Variants in AKT1 observed in about 807,000 individuals in gnomAD.
The protein encoded by AKT1 is RAC-alpha serine/threonine-protein kinase.
In AKT1, 21 loss-of-function variants were observed where a neutral mutation model predicts 63.1. The ratio of observed to expected loss-of-function variants is 0.33; its 90% CI spans 0.24 to 0.48. The LOEUF is 0.48. Ranked by LOEUF, AKT1 falls within the 20% of genes least tolerant of loss-of-function variation. AKT1 has a pLI of 0.99. For synonymous variants in AKT1, 257 were observed against 253.1 expected (o/e 1.02, Z -0.15); for missense variants, 382 against 666.0 (o/e 0.57, Z 4.69).
At chr14:104,776,945 A>G in intron 4 of AKT1, 175 bp from the exon 5 acceptor site, 1 of 580,662 alleles carries the variant, frequency 1.7e-6, no homozygotes, top group Non-Finnish European at 3.0e-6. Flanking sequence ...TGGGGCTAGG[A>G]CCCCTGTTCC....
At chr14:104,773,706 G>A (rs1049068367) in intron 9 of AKT1, 126 bp from the exon 10 acceptor site, 122 of 1,406,600 alleles carry the variant, frequency 8.7e-5, no homozygotes, top group African/African-American at 1.6e-4. Flanking sequence ...CAGAGGGCAC[G>A]GGGGCCTGGA....
intron 3 of AKT1, among the ~76,000 whole-genome samples, chr14:104,780,585 C>A (rs1892974658): frequency 6.6e-6 from 1 of 152,222 alleles, no homozygotes; most frequent in Non-Finnish European, 1.5e-5. Context: ...CCAGCAGGCA[C>A]CAGCAGCAGC....
chr14:104,785,222 C>A (rs931717659), intron 3 of AKT1, among the ~76,000 whole-genome samples: 1 of 152,210 alleles, frequency 6.6e-6, no homozygotes, highest in African/African-American at 2.4e-5. Context: ...CCCCGCCTGC[C>A]AGGAGACCGC....
intron 3 of AKT1, among the ~76,000 whole-genome samples, chr14:104,788,374 CAG>C (rs1893441265): frequency 6.6e-6 from 1 of 152,170 alleles, no homozygotes; most frequent in Non-Finnish European, 1.5e-5. Flanking sequence ...GGGTAATGAG[CAG>C]CCTCCATCTG....
At position 104,780,862 on chromosome 14, in the gene AKT1, C is replaced by T. The variant is rs577157656; in HGVS notation, c.47-646G>A. ...CTCCCTGTCTAGGGGCCTGGAGCAC[C>T]GTCTTGGGGACTGCCGATGAAGCCA... is the stretch of plus-strand genomic sequence containing the variant. On this transcript the variant is annotated intron_variant, in intron 3 of 14. Transcript: ENST00000649815. Among the ~76,000 whole-genome samples the T allele has an allele frequency of 1.8e-4, 28 of 152,372 alleles. 1 individual carries two copies. In the South Asian group the frequency reaches 3.9e-3, roughly 21 times the overall value.
rs2140917154 is a variant in AKT1, at chr14:104,775,130, G to A, written c.513C>T (p.Ala171=). 6.2e-7 allele frequency: 1 copy of A among 1,614,096 alleles called. No homozygotes were observed. The highest frequency in any genetic ancestry group is 8.5e-7 in the Non-Finnish European group (1 of 1,180,038). Residue 171 remains alanine (A), a synonymous_variant, in exon 7 of 15, where the codon GCC becomes GCT. Coordinates refer to ENST00000649815, the MANE Select transcript of AKT1 (RefSeq NM_001382430.1). The part of the protein sequence containing the change: ...FGKVILVKEK[A]TGRYYAMKIL... ...TCTTCATGGCGTAGTAGCGGCCTGT[G>A]GCCTTCTCCTTCACCAGGATCACCT...
Position 104,770,312 on chromosome 14 carries a change from G to T in AKT1, c.*29C>A. The T allele has an allele frequency of 6.3e-7, 1 of 1,595,930 alleles. No homozygotes were observed. Among genetic ancestry groups the T allele is most frequent in the African/African-American group, 1.3e-5 (1 of 74,930 alleles). ...CGAGGCCGCCTCTCCATCCCTCCAA[G>T]CTATCGTCCAGCGCAGTCCACCGCC... On this transcript the variant is annotated 3_prime_UTR_variant, in exon 15 of 15. Transcript: ENST00000649815.
chr14:104,770,721 C>G (rs774295573), intron 14 of AKT1, 24 bp downstream of exon 14: 1 of 1,594,652 alleles, frequency 6.3e-7, no homozygotes, highest in Middle Eastern at 1.7e-4. Context: ...AGGGAGTGGG[C>G]GGGGGCAGGC....
In AKT1 at chr14:104,795,234, C is replaced by G. The variant is rs1400968726; in HGVS notation, c.-258+250G>C. Among the ~76,000 whole-genome samples the G allele has an allele frequency of 1.3e-5, 2 of 151,692 alleles. No homozygotes were observed. The highest frequency in any genetic ancestry group is 4.8e-5 in the African/African-American group (2 of 41,396). ...CGGCCTCGCCCGGCGGAGCGGCCTC[C>G]CCAAGGTCATGAGGGAGGCTGGGGC... On this transcript the variant is annotated intron_variant, in intron 1 of 14. Transcript: ENST00000649815. This position sits in a 1 kb window ranked among gnomAD's most constrained non-coding sequence, Gnocchi z 5.1.
intron 4 of AKT1, chr14:104,777,491 G>A: frequency 1.0e-6 from 1 of 965,174 alleles, no homozygotes; most frequent in Non-Finnish European, 1.2e-6. Context: ...CACATCTGGG[G>A]CACACGAACA....
intron 3 of AKT1, among the ~76,000 whole-genome samples, chr14:104,783,481 C>G (rs955059135): frequency 1.6e-4 from 24 of 151,936 alleles, no homozygotes; most frequent in Admixed American, 1.5e-3. Flanking sequence ...CCACCATCAG[C>G]CAGCTGGCAT....
rs1893835003 is a variant in AKT1, at chr14:104,795,298, C to G, written c.-258+186G>C. On this transcript the variant is annotated intron_variant, in intron 1 of 14. Coordinates refer to ENST00000649815, the MANE Select transcript of AKT1 (RefSeq NM_001382430.1). The surrounding 1 kb of genome is among the most constrained non-coding windows in gnomAD (Gnocchi z 5.1). The stretch of plus-strand genomic sequence containing the variant: ...CCCCGGCGCCCGGCGTGGGGCCGCC[C>G]TCCCTTGGCCGGGCCCGCGCGCCCC... 6.6e-6 allele frequency among the ~76,000 whole-genome samples: 1 copy of G among 150,540 alleles called. No homozygotes were observed. Among genetic ancestry groups the G allele is most frequent in the South Asian group, 2.1e-4 (1 of 4,830 alleles).
chr14:104,789,707 A>C (rs995648475), intron 3 of AKT1, among the ~76,000 whole-genome samples: 1 of 152,206 alleles, frequency 6.6e-6, no homozygotes, highest in African/African-American at 2.4e-5. Flanking sequence ...CTGCTTATCC[A>C]GTGAGACAGC....
At chr14:104,789,998 C>T (rs573254214) in intron 3 of AKT1, among the ~76,000 whole-genome samples, 5 of 152,224 alleles carry the variant, frequency 3.3e-5, no homozygotes, top group Non-Finnish European at 5.9e-5. Flanking sequence ...CCAGAGATGA[C>T]GCTCACCTCC....
rs370987171 is a variant in AKT1 at position 104,770,317 on chromosome 14, C to A, written c.*24G>T. The A allele has an allele frequency of 1.9e-6, 3 of 1,599,610 alleles. No homozygotes were observed. The African/African-American group carries it at 4.0e-5, about 21-fold the overall frequency. On this transcript the variant is annotated 3_prime_UTR_variant, in exon 15 of 15. Transcript: ENST00000649815. ...CCGCCTCTCCATCCCTCCAAGCTAT[C>A]GTCCAGCGCAGTCCACCGCCGCCTC...
chr14:104,773,571 G>T lies in AKT1; in HGVS notation c.712C>A (p.His238Asn). ...GAGAACACACGCTCCCGGGACAGGTGGAAGAACAGCTGCGGGAGGCGCAAC... is the reference window on the plus strand; with the variant it reads ...GAGAACACACGCTCCCGGGACAGGTTGAAGAACAGCTGCGGGAGGCGCAAC... ...EYANGGELFF[H>N]LSRERVFSED... is the part of the protein sequence containing the mutation. The change falls in exon 10 of 15, where the codon CAC (histidine) becomes AAC (asparagine). Residue 238 changes from histidine to asparagine, a missense_variant. His to Asn is a moderately conservative substitution (Grantham distance 68). Coordinates refer to ENST00000649815, the MANE Select transcript of AKT1 (RefSeq NM_001382430.1). 1 of 1,606,274 alleles carries T rather than the reference G, an allele frequency of 6.2e-7. No individual in the cohort carries two copies.
At chr14:104,792,863 A>T in intron 2 of AKT1, 141 bp from the exon 3 acceptor site, 3 of 616,252 alleles carry the variant, frequency 4.9e-6, no homozygotes, top group Non-Finnish European at 8.7e-6. Context: ...CATCCCTCTA[A>T]GCTCTCTGAC....
At chr14:104,786,547 G>A (rs1471412179) in intron 3 of AKT1, among the ~76,000 whole-genome samples, 2 of 152,200 alleles carry the variant, frequency 1.3e-5, no homozygotes, top group Non-Finnish European at 2.9e-5. Flanking sequence ...GACACCCCAG[G>A]AAAAGTGCCC....
At chr14:104,772,735 G>T in intron 12 of AKT1, 143 bp downstream of exon 12, 1 of 1,002,528 alleles carries the variant, frequency 1.0e-6, no homozygotes, top group Non-Finnish European at 1.4e-6. Context: ...CTGAGGCTTT[G>T]GAGATCAGCC....
Sources: allele counts gnomAD v4.1 joint callset (sites outside exome capture counted in the v4.1 genomes callset), GRCh38; gene constraint gnomAD v4.1.1; non-coding constraint Gnocchi (gnomAD v3.1); transcripts MANE v1.5; gene names NCBI Gene and HGNC (gene_info 2026-07-23, HGNC 2026-07-21).